The following RAB11FIP3 variants were observed in gnomAD, a reference collection of about 807,000 sequenced individuals.
The protein encoded by RAB11FIP3 is rab11 family-interacting protein 3.
A neutral mutation model predicts 77.8 loss-of-function variants in RAB11FIP3; 17 were observed. The ratio of observed to expected loss-of-function variants is 0.22; its 90% CI spans 0.15 to 0.33. The LOEUF (loss-of-function observed/expected upper bound fraction) is 0.33, where lower values mean the gene tolerates loss of function less well. Among genes scored for constraint, RAB11FIP3 ranks in the 10% least tolerant of loss-of-function variants. The pLI is 1.00. For missense variants in RAB11FIP3, 1,005 were observed against 1,011.2 expected, an observed-to-expected ratio of 0.99 and a Z score of 0.08; for synonymous variants, 437 against 448.2, an observed-to-expected ratio of 0.98 and a Z score of 0.31.
In RAB11FIP3 at chr16:507,705, C is replaced by G. The variant is rs1201206818; in HGVS notation, c.1499+2078C>G. ...GCCACATTCAGTTCCTGTGGCTGTT[C>G]CCTGTGGTGCTCACCTCCAACGTCC... is the stretch of plus-strand genomic sequence containing the variant. On this transcript the variant is annotated intron_variant, in intron 8 of 13. Transcript: ENST00000262305. This position sits in a 1 kb window ranked among gnomAD's most constrained non-coding sequence, Gnocchi z 4.6. Among the ~76,000 whole-genome samples, 1 of 152,248 alleles carries G rather than the reference C, an allele frequency of 6.6e-6. No homozygotes were observed. The highest frequency in any genetic ancestry group is 2.4e-5 in the African/African-American group (1 of 41,452).
intron 3 of RAB11FIP3, among the ~76,000 whole-genome samples, chr16:480,570 A>C (rs991404528): frequency 6.6e-6 from 1 of 151,786 alleles, no homozygotes; most frequent in Non-Finnish European, 1.5e-5. Context: ...CGTGATCTCA[A>C]TTCACTGCAA....
At chr16:517,811 G>A (rs543424931) in intron 9 of RAB11FIP3, among the ~76,000 whole-genome samples, 105 of 152,198 alleles carry the variant, frequency 6.9e-4, no homozygotes, top group Middle Eastern at 3.4e-3. Flanking sequence ...GGCCGGGCGC[G>A]GTGGCTCACG....
Position 496,663 on chromosome 16 carries a change from G to C in RAB11FIP3, c.1266-161G>C, listed in dbSNP as rs561289395. On this transcript the variant is annotated intron_variant, in intron 5 of 13. Transcript: ENST00000262305. ...ACTGCCGTGTCCTTGCTGTTTTGCT[G>C]AGTGAGCATTTGTGCATGGACTTGC... Among the ~76,000 whole-genome samples, 77 of 152,340 alleles carry C rather than the reference G, an allele frequency of 5.1e-4. 1 individual carries two copies. Among genetic ancestry groups the C allele is most frequent in the African/African-American group, 1.8e-3 (76 of 41,578 alleles).
In RAB11FIP3 at chr16:514,284, G is replaced by A. The variant is rs1055605094; in HGVS notation, c.1640+3484G>A. The stretch of plus-strand genomic sequence containing the variant: ...GCGGTCAGCCCAGCACGAGGCCTCT[G>A]GCATCTTGGGGACTTCCCCAGCCTG... On this transcript the variant is annotated intron_variant, in intron 9 of 13. Transcript: ENST00000262305. The surrounding 1 kb of genome is among the most constrained non-coding windows in gnomAD (Gnocchi z 4.6). Among the ~76,000 whole-genome samples, 1 of 152,206 alleles carries A rather than the reference G, an allele frequency of 6.6e-6. No homozygotes were observed. The highest frequency in any genetic ancestry group is 1.9e-4 in the East Asian group (1 of 5,204).
intron 2 of RAB11FIP3, among the ~76,000 whole-genome samples, chr16:466,141 C>T (rs943655876): frequency 2.0e-5 from 3 of 152,174 alleles, no homozygotes; most frequent in Non-Finnish European, 4.4e-5. Context: ...CACAATGTGG[C>T]TGGCAGAGCG....
intron 3 of RAB11FIP3, among the ~76,000 whole-genome samples, chr16:479,536 A>C (rs2141716552): frequency 6.6e-6 from 1 of 152,084 alleles, no homozygotes; most frequent in East Asian, 1.9e-4. Context: ...AAAATAAATA[A>C]ATCAACAAAC....
At chr16:479,042 C>G (rs2055980203) in intron 3 of RAB11FIP3, among the ~76,000 whole-genome samples, 1 of 152,084 alleles carries the variant, frequency 6.6e-6, no homozygotes, top group Admixed American at 6.6e-5. Flanking sequence ...TTTGTATGAT[C>G]CACAAATATT....
At chr16:465,266 T>C (rs2055682433) in intron 2 of RAB11FIP3, among the ~76,000 whole-genome samples, 1 of 152,020 alleles carries the variant, frequency 6.6e-6, no homozygotes. Context: ...CTGGTTGTCA[T>C]CGGAGAGGCC....
At chr16:501,139 G>A (rs1388620564) in intron 6 of RAB11FIP3, among the ~76,000 whole-genome samples, 2 of 152,234 alleles carry the variant, frequency 1.3e-5, no homozygotes, top group Non-Finnish European at 2.9e-5. Context: ...AGCCCAGTCC[G>A]TACTGAGAAG....
rs928244411 is a variant in RAB11FIP3, at chr16:519,979, G to A, written c.1860+88G>A. ...TTTCCTGAGACGCTAGCTCTTGGCT[G>A]TGCTGCTTTGGGCATAGCCGCTGGT... On this transcript the variant is annotated intron_variant, in intron 11 of 13. Coordinates refer to ENST00000262305, the MANE Select transcript of RAB11FIP3 (RefSeq NM_014700.4). The A allele has an allele frequency of 2.0e-6, 3 of 1,520,210 alleles. No homozygotes were observed. In the African/African-American group the frequency reaches 4.1e-5, roughly 21 times the overall value. The allele number at this position is 1,520,210 out of a possible 1,614,324, so 94.2% of individuals were successfully genotyped here. A position where few individuals can be genotyped will look rare whatever the true frequency, so the allele number is the denominator to read the frequency against.
rs1432248946 is a variant in RAB11FIP3 at position 461,282 on chromosome 16, C to T, written c.715-122C>T. The T allele has an allele frequency of 6.0e-6, 4 of 666,814 alleles. No homozygotes were observed. Among genetic ancestry groups the T allele is most frequent in the African/African-American group, 1.9e-5 (1 of 53,938 alleles). 41.3% of individuals were successfully genotyped at this position (666,814 alleles called of 1,614,324 possible). A position where few individuals can be genotyped will look rare whatever the true frequency, so the allele number is the denominator to read the frequency against. ...AGCTCAGGCGGTAATGCTCCCTCAC[C>T]TCCTGCTGTGCTTCCCCGTTCCCAG... On this transcript the variant is annotated intron_variant, in intron 1 of 13. Coordinates refer to ENST00000262305, the MANE Select transcript of RAB11FIP3 (RefSeq NM_014700.4). The surrounding 1 kb of genome is among the most constrained non-coding windows in gnomAD (Gnocchi z 4.5).
chr16:473,525 T>G (rs1372100696), intron 3 of RAB11FIP3, among the ~76,000 whole-genome samples: 4 of 152,192 alleles, frequency 2.6e-5, no homozygotes, highest in Non-Finnish European at 4.4e-5. Context: ...AACCTTCGCC[T>G]CCTGCGCTCA....
In RAB11FIP3 at chr16:496,859, G is replaced by A; in HGVS notation, c.1301G>A (p.Arg434Lys). The change falls in exon 6 of 14, where the codon AGG (arginine) becomes AAG (lysine). Residue 434 changes from arginine to lysine, a missense_variant and splice_region_variant. Physicochemically the swap from Arg to Lys is conservative, Grantham distance 26. This residue lies in a region of RAB11FIP3 where 433 missense variants were observed against 436.1 expected (regional missense o/e 0.99). Transcript: ENST00000262305. ...CGGCTCTCCAGCAAGAAGGTGGCAA[G>A]GTAGGTGGGTCTCTGGTTCCTGCTG... ...TKRLSSKKVA[R>K]YLHQSGALTM... The A allele has an allele frequency of 6.3e-7, 1 of 1,583,272 alleles. No individual in the cohort carries two copies. The highest frequency in any genetic ancestry group is 2.2e-5 in the East Asian group (1 of 44,708).
rs1184488175 is a variant in RAB11FIP3, at chr16:428,359, T to C, written c.714+1639T>C. 1.3e-5 allele frequency among the ~76,000 whole-genome samples: 2 copies of C among 152,160 alleles called. 1 individual carries two copies. The highest frequency in any genetic ancestry group is 4.8e-5 in the African/African-American group (2 of 41,408). ...CCAGGTGTTTTGCTGCGTTTCCTTC[T>C]TGCCCCTGGGCTGGAGAGCACCTTG... On this transcript the variant is annotated intron_variant, in intron 1 of 13. Coordinates refer to ENST00000262305, the MANE Select transcript of RAB11FIP3 (RefSeq NM_014700.4).
intron 1 of RAB11FIP3, among the ~76,000 whole-genome samples, chr16:443,193 G>A (rs2036565913): frequency 6.6e-6 from 1 of 152,086 alleles, no homozygotes; most frequent in Admixed American, 6.6e-5. Flanking sequence ...CTCTCTTGCA[G>A]ACTAAGAAAT....
In RAB11FIP3 at chr16:465,365, A is replaced by G. The variant is rs188009250; in HGVS notation, c.808+3868A>G. 1.7e-3 allele frequency among the ~76,000 whole-genome samples: 257 copies of G among 152,320 alleles called. 1 individual carries two copies. Among genetic ancestry groups the G allele is most frequent in the Non-Finnish European group, 1.7e-3 (113 of 68,026 alleles). On this transcript the variant is annotated intron_variant, in intron 2 of 13. Transcript: ENST00000262305. Reference sequence around the variant, plus strand: ...ACTTCCATGAAAAACAAGAAGTGGAATAAGACAGCCTGTACTTCTTGGTCC... The same window carrying G: ...ACTTCCATGAAAAACAAGAAGTGGAGTAAGACAGCCTGTACTTCTTGGTCC...
At chr16:508,572 C>T (rs2031983946) in intron 8 of RAB11FIP3, among the ~76,000 whole-genome samples, 1 of 152,170 alleles carries the variant, frequency 6.6e-6, no homozygotes, top group South Asian at 2.1e-4. Context: ...CGGGGTTTCA[C>T]CATGTTGGCC....
chr16:502,785 G>A (rs2031603901), intron 6 of RAB11FIP3: 1 of 573,944 alleles, frequency 1.7e-6, no homozygotes, highest in Non-Finnish European at 3.0e-6. Context: ...ACAGAGCACG[G>A]CCTGCTTTCT....
chr16:507,368 C>T lies in RAB11FIP3; in HGVS notation c.1499+1741C>T, dbSNP rs1421604771. ...CCTTGTGATCTGCCTGCCTCAGCCT[C>T]CCAAAATGCTGGGATTACAGGCGTG... On this transcript the variant is annotated intron_variant, in intron 8 of 13. Transcript: ENST00000262305. The surrounding 1 kb of genome is among the most constrained non-coding windows in gnomAD (Gnocchi z 4.6). 6.6e-6 allele frequency among the ~76,000 whole-genome samples: 1 copy of T among 152,196 alleles called. No individual in the cohort carries two copies. Among genetic ancestry groups the T allele is most frequent in the African/African-American group, 2.4e-5 (1 of 41,432 alleles).
Sources: allele counts gnomAD v4.1 joint callset (sites outside exome capture counted in the v4.1 genomes callset), GRCh38; gene constraint gnomAD v4.1.1; regional missense constraint gnomAD v4.1.1; non-coding constraint Gnocchi (gnomAD v3.1); transcripts MANE v1.5; gene names NCBI Gene and HGNC (gene_info 2026-07-23, HGNC 2026-07-21).